E2F4: variants seen among roughly 807,000 people sequenced by gnomAD.
The protein encoded by E2F4 is E2F transcription factor 4.
E2F4 carries 16 observed loss-of-function variants against 44.5 expected under a neutral mutation model. The ratio of observed to expected loss-of-function variants is 0.36; its 90% confidence interval spans 0.24 to 0.55. E2F4 has a LOEUF of 0.55. E2F4 is among the 20% of genes least tolerant of loss of function. The probability of loss-of-function intolerance (pLI) is 0.87; values close to 1 mark genes in which losing one functional copy is unlikely to be tolerated. For synonymous variants in E2F4, 242 were observed against 207.2 expected (o/e 1.17, Z -1.44); for missense variants, 473 against 522.1 (o/e 0.91, Z 0.92).
chr16:67,197,760 G>A (rs1221027494), intron 8 of E2F4, 107 bp from the exon 9 acceptor site: 1 of 1,600,574 alleles, frequency 6.2e-7, no homozygotes, highest in African/African-American at 1.3e-5. Context: ...GGTAACTGGG[G>A]CAAAGGGTGA....
intron 6 of E2F4, 149 bp downstream of exon 6, chr16:67,195,129 A>C (rs2032947450): frequency 9.2e-7 from 1 of 1,085,612 alleles, no homozygotes. Context: ...GTAATGAATG[A>C]GCCTTTTTTG....
At chr16:67,194,298 C>T in intron 4 of E2F4, 100 bp from the exon 5 acceptor site, 1 of 1,335,964 alleles carries the variant, frequency 7.5e-7, no homozygotes, top group Non-Finnish European at 1.1e-6. Context: ...TCTAGTTCCT[C>T]AGGGACCGTG....
intron 1 of E2F4, 166 bp from the exon 2 acceptor site, chr16:67,192,595 G>A (rs1220679593): frequency 8.7e-6 from 8 of 921,792 alleles, no homozygotes; most frequent in African/African-American, 1.7e-5. Context: ...CCTGGCTGGC[G>A]AGGAGAAGAG....
intron 4 of E2F4, 44 bp downstream of exon 4, chr16:67,193,559 G>A (rs1447749539): frequency 1.2e-6 from 2 of 1,606,830 alleles, no homozygotes; most frequent in Non-Finnish European, 1.7e-6. Context: ...GCTGGGCTCA[G>A]CCAAAGTCCT....
Position 67,192,771 on chromosome 16 carries a change from C to A in E2F4, c.146C>A (p.Thr49Asn). 1 of 1,610,966 alleles carries A rather than the reference C, an allele frequency of 6.2e-7. No homozygotes were observed. The highest frequency in any genetic ancestry group is 8.5e-7 in the Non-Finnish European group (1 of 1,178,430). ...GVLDLKLAAD[T>N]LAVRQKRRIY... ...CATTCTCTCTGCCAGGCAGCTGACACCCTAGCTGTACGCCAGAAGCGGCGG... is the reference window on the plus strand; with the variant it reads ...CATTCTCTCTGCCAGGCAGCTGACAACCTAGCTGTACGCCAGAAGCGGCGG... Residue 49 changes from threonine to asparagine, a missense_variant, in exon 2 of 10, where the codon ACC becomes AAC. Coordinates refer to ENST00000379378, the MANE Select transcript of E2F4 (RefSeq NM_001950.4).
chr16:67,193,314 C>G (rs2032917819), intron 3 of E2F4, 144 bp downstream of exon 3: 2 of 1,490,060 alleles, frequency 1.3e-6, no homozygotes, highest in African/African-American at 2.8e-5. Flanking sequence ...AGCCCCTCCC[C>G]TTCCACTCTT....
rs758048925 is a variant in E2F4, at chr16:67,197,859, A to T, written c.1082-8A>T. On this transcript the variant is annotated splice_region_variant and splice_polypyrimidine_tract_variant and intron_variant, in intron 8 of 9. Coordinates refer to ENST00000379378, the MANE Select transcript of E2F4 (RefSeq NM_001950.4). ...GAATGTTAGTAACTGAGCTCCCTCCATTCCCAGAGTGCATGAGCTCGGAGC... is the reference window on the plus strand; with the variant it reads ...GAATGTTAGTAACTGAGCTCCCTCCTTTCCCAGAGTGCATGAGCTCGGAGC... The T allele has an allele frequency of 1.9e-6, 3 of 1,614,020 alleles. No homozygotes were observed. Among genetic ancestry groups the T allele is most frequent in the Non-Finnish European group, 2.5e-6 (3 of 1,179,978 alleles).
In E2F4 at chr16:67,194,253, G is replaced by C. The variant is rs959592144; in HGVS notation, c.452-145G>C. The C allele has an allele frequency of 3.8e-6, 3 of 792,690 alleles. No homozygotes were observed. The African/African-American group carries it at 5.2e-5, about 14-fold the overall frequency. 49.1% of individuals were successfully genotyped at this position (792,690 alleles called of 1,614,324 possible). Reference sequence around the variant, plus strand: ...TCAGGAAGAGAAGAGCTTTAGCTCTGCCTGGCCACTATGGGGGATGGGTGA... The same window carrying C: ...TCAGGAAGAGAAGAGCTTTAGCTCTCCCTGGCCACTATGGGGGATGGGTGA... On this transcript the variant is annotated intron_variant, in intron 4 of 9. Transcript: ENST00000379378.
At chr16:67,197,676 G>A in intron 8 of E2F4, 30 bp downstream of exon 8, 1 of 1,613,388 alleles carries the variant, frequency 6.2e-7, no homozygotes, top group Non-Finnish European at 8.5e-7. Context: ...CCTGAGGCTA[G>A]GGGTAAGGGA....
At chr16:67,194,530 G>T in intron 5 of E2F4, 71 bp downstream of exon 5, 1 of 1,599,568 alleles carries the variant, frequency 6.3e-7, no homozygotes, top group African/African-American at 1.3e-5. Context: ...ATAAGTCCTG[G>T]GTGGGGCAAG....
At chr16:67,197,837 T>C (rs2032996307) in intron 8 of E2F4, 30 bp from the exon 9 acceptor site, 1 of 1,613,886 alleles carries the variant, frequency 6.2e-7, no homozygotes, top group African/African-American at 1.3e-5. Flanking sequence ...GGAGCTGGAA[T>C]GTTAGTAACT....
intron 3 of E2F4, 22 bp from the exon 4 acceptor site, chr16:67,193,450 C>T (rs754889490): frequency 8.7e-6 from 14 of 1,613,994 alleles, no homozygotes; most frequent in Non-Finnish European, 1.1e-5. Context: ...AGGGCATCAG[C>T]CATTCTCCTT....
chr16:67,192,548 C>G (rs1304116790), intron 1 of E2F4, 186 bp downstream of exon 1: 3 of 1,039,976 alleles, frequency 2.9e-6, no homozygotes, highest in African/African-American at 3.2e-5. Flanking sequence ...AGCTATGGGC[C>G]AGGCTCGGGC....
Position 67,198,469 on chromosome 16 carries a change from TCA to T in E2F4, c.*347_*348del. On this transcript the variant is annotated 3_prime_UTR_variant, in exon 10 of 10. Coordinates refer to ENST00000379378, the MANE Select transcript of E2F4 (RefSeq NM_001950.4). ...GGGCAGTGTCTTGTTCCTGCCAGCCTCAGTGTCTTGCTTCTGCCAGCTCCTTC... is the reference window on the plus strand; with the variant it reads ...GGGCAGTGTCTTGTTCCTGCCAGCCTGTGTCTTGCTTCTGCCAGCTCCTTC... The T allele has an allele frequency of 1.8e-5, 5 of 274,694 alleles. No individual in the cohort carries two copies. The South Asian group carries it at 2.2e-4, about 12-fold the overall frequency. 17.0% of individuals were successfully genotyped at this position (274,694 alleles called of 1,614,324 possible). A position where few individuals can be genotyped will look rare whatever the true frequency, so the allele number is the denominator to read the frequency against.
In E2F4 at chr16:67,194,899, A is replaced by C. The variant is rs770714875; in HGVS notation, c.727A>C (p.Asn243His). The C allele has an allele frequency of 1.2e-6, 2 of 1,614,138 alleles. No individual in the cohort carries two copies. Among genetic ancestry groups the C allele is most frequent in the East Asian group, 2.2e-5 (1 of 44,874 alleles). ...CCAGTCCCAGGAAGCCTCACGTCCA[A>C]ATAGTCCTCAGCTCACTCCCACTGC... is the stretch of plus-strand genomic sequence containing the variant. ...LAQSQEASRP[N>H]SPQLTPTAVP... Residue 243 changes from asparagine (N) to histidine (H), a missense_variant, in exon 6 of 10, where the codon AAT (asparagine) becomes CAT (histidine). Physicochemically the swap from Asn to His is moderately conservative, Grantham distance 68 (BLOSUM62 1). Coordinates refer to ENST00000379378, the MANE Select transcript of E2F4 (RefSeq NM_001950.4).
chr16:67,193,438 A>G (rs989772138), intron 3 of E2F4, 34 bp from the exon 4 acceptor site: 3 of 1,613,728 alleles, frequency 1.9e-6, no homozygotes, highest in East Asian at 2.2e-5. Flanking sequence ...ATCTGTCACC[A>G]TAGGGCATCA....
In E2F4 at chr16:67,192,255, C is replaced by G; in HGVS notation, c.28C>G (p.Pro10Ala). 1 of 1,281,528 alleles carries G rather than the reference C, an allele frequency of 7.8e-7. No individual in the cohort carries two copies. The highest frequency in any genetic ancestry group is 9.9e-7 in the Non-Finnish European group (1 of 1,010,498). The allele number at this position is 1,281,528 out of a possible 1,614,324, so 79.4% of individuals were successfully genotyped here. A position where few individuals can be genotyped will look rare whatever the true frequency, so the allele number is the denominator to read the frequency against. The change falls in exon 1 of 10, where the codon CCG (proline) becomes GCG (alanine). Residue 10 changes from proline (P) to alanine (A), a missense_variant. Pro to Ala is a conservative substitution (Grantham distance 27). This residue lies in a region of E2F4 where 40 missense variants were observed against 30.8 expected (regional missense o/e 1.30). Transcript: ENST00000379378. ...GGCGGAGGCCGGGCCACAGGCGCCG[C>G]CGCCCCCGGGCACTCCAAGCCGGCA... is the stretch of plus-strand genomic sequence containing the variant. MAEAGPQAP[P>A]PPGTPSRHEK...
rs1172732063 is a variant in E2F4, at chr16:67,197,539, G to A, written c.1034-60G>A. 7 of 1,580,784 alleles carry A rather than the reference G, an allele frequency of 4.4e-6. No individual in the cohort carries two copies. In the Middle Eastern group the frequency reaches 5.0e-4, roughly 112 times the overall value. On this transcript the variant is annotated intron_variant, in intron 7 of 9. Coordinates refer to ENST00000379378, the MANE Select transcript of E2F4 (RefSeq NM_001950.4). The stretch of plus-strand genomic sequence containing the variant: ...TGGTATAGGATCCGAGGAAGCCAGG[G>A]GGCTGTAGTGGGGCCAGGCTGGACC...
chr16:67,193,459 T>C lies in E2F4; in HGVS notation c.408-13T>C. Reference sequence around the variant, plus strand: ...CACCATAGGGCATCAGCCATTCTCCTTAACCCTCACACTTTGGCCTACGTC... The same window carrying C: ...CACCATAGGGCATCAGCCATTCTCCCTAACCCTCACACTTTGGCCTACGTC... On this transcript the variant is annotated splice_polypyrimidine_tract_variant and intron_variant, in intron 3 of 9. Coordinates refer to ENST00000379378, the MANE Select transcript of E2F4 (RefSeq NM_001950.4). 1 of 1,614,220 alleles carries C rather than the reference T, an allele frequency of 6.2e-7. No homozygotes were observed.
Sources: gnomAD v4.1 joint callset for allele counts on GRCh38, gnomAD v4.1.1 for gene constraint, gnomAD v4.1.1 regional missense constraint, MANE v1.5 for transcripts, NCBI Gene and HGNC (gene_info 2026-07-23, HGNC 2026-07-21) for gene names.